The following STAT2 variants were observed in gnomAD, a reference collection of about 807,000 sequenced individuals.
STAT2 encodes signal transducer and activator of transcription 2.
A neutral mutation model predicts 122.3 loss-of-function variants in STAT2; 51 were observed. That is an observed-to-expected ratio of 0.42 (90% CI 0.33 to 0.53). The LOEUF is 0.53. Among genes scored for constraint, STAT2 ranks in the 20% least tolerant of loss-of-function variants. The pLI is 0.10. For synonymous variants in STAT2, 351 were observed against 394.9 expected (o/e 0.89, Z 1.32); for missense variants, 736 against 1,010.3 (o/e 0.73, Z 3.68).
chr12:56,345,007 CA>C (rs111914426), intron 22 of STAT2, among the ~76,000 whole-genome samples: 22,921 of 125,084 alleles, frequency 0.18, 4,289 homozygotes, highest in African/African-American at 0.51. Flanking sequence ...GACTCTGTCT[CA>C]AAAAAAAAAC....
In STAT2 at chr12:56,349,408, C is replaced by A. The variant is rs759398590; in HGVS notation, c.1341+18G>T. 3.3e-5 allele frequency: 54 copies of A among 1,614,020 alleles called. No individual in the cohort carries two copies. The highest frequency in any genetic ancestry group is 4.6e-5 in the Non-Finnish European group (54 of 1,180,044). On this transcript the variant is annotated intron_variant, in intron 15 of 23. Coordinates refer to ENST00000314128, the MANE Select transcript of STAT2 (RefSeq NM_005419.4). ...TCCAAAGCTGCTTTCTCTCTCCTTG[C>A]CCTCCATTTTCACTCACTTTCAGCT...
At chr12:56,357,103 C>G (rs949944686) in intron 1 of STAT2, among the ~76,000 whole-genome samples, 1 of 128,858 alleles carries the variant, frequency 7.8e-6, no homozygotes, top group African/African-American at 2.9e-5. Flanking sequence ...GTGGCATGAT[C>G]TTGGCTCATT....
chr12:56,343,478 A>G lies in STAT2; in HGVS notation c.2467T>C (p.Leu823=). The G allele has an allele frequency of 6.2e-7, 1 of 1,614,216 alleles. No homozygotes were observed. Among genetic ancestry groups the G allele is most frequent in the Non-Finnish European group, 8.5e-7 (1 of 1,180,032 alleles). The change falls in exon 24 of 24, where the codon TTG becomes CTG. Residue 823 remains leucine, a synonymous_variant. Transcript: ENST00000314128. ...EEIMPNGDPL[L]AGQNTVDEVY... ...TCATCCACGGTGTTCTGGCCAGCCA[A>G]CAGTGGGTCACCATTCGGCATGATT...
chr12:56,346,246 A>T, intron 21 of STAT2, 43 bp from the exon 22 acceptor site: 1 of 1,611,940 alleles, frequency 6.2e-7, no homozygotes, highest in East Asian at 2.2e-5. Flanking sequence ...TCAGTGGGCC[A>T]GACATATAGC....
In STAT2 at chr12:56,343,372, C is replaced by A. The variant is rs780361939; in HGVS notation, c.*17G>T. Reference sequence around the variant, plus strand: ...GGAAGGGCAAGAGATATGAAAAGAACAGAGGAAATGTGGTTCCTAGAAGTC... The same window carrying A: ...GGAAGGGCAAGAGATATGAAAAGAAAAGAGGAAATGTGGTTCCTAGAAGTC... On this transcript the variant is annotated 3_prime_UTR_variant, in exon 24 of 24. Transcript: ENST00000314128. The A allele has an allele frequency of 2.5e-6, 4 of 1,609,490 alleles. No homozygotes were observed. Among genetic ancestry groups the A allele is most frequent in the Non-Finnish European group, 2.5e-6 (3 of 1,177,306 alleles).
chr12:56,353,140 C>T (rs1409275108), intron 8 of STAT2, among the ~76,000 whole-genome samples: 1 of 152,170 alleles, frequency 6.6e-6, no homozygotes, highest in Non-Finnish European at 1.5e-5. Flanking sequence ...TGCGCCACCA[C>T]ACCTGGCAAA....
chr12:56,348,087 G>GTTTTTTTT (rs745864117), intron 19 of STAT2, among the ~76,000 whole-genome samples: 4 of 119,576 alleles, frequency 3.3e-5, no homozygotes, highest in Admixed American at 9.0e-5. Context: ...ATTATTGGTT[G>GTTTTTTTT]TTTTTTTTTT....
At position 56,343,290 on chromosome 12, in the gene STAT2, G is replaced by C; in HGVS notation, c.*99C>G. ...GAGTTTGAACAGTTAACACAGCTTG[G>C]AAGGGACACATGCCTGATTCCCATC... On this transcript the variant is annotated 3_prime_UTR_variant, in exon 24 of 24. Coordinates refer to ENST00000314128, the MANE Select transcript of STAT2 (RefSeq NM_005419.4). 1 of 1,517,976 alleles carries C rather than the reference G, an allele frequency of 6.6e-7. No individual in the cohort carries two copies. The highest frequency in any genetic ancestry group is 8.9e-7 in the Non-Finnish European group (1 of 1,122,362). The allele number at this position is 1,517,976 out of a possible 1,614,324, so 94.0% of individuals were successfully genotyped here.
intron 1 of STAT2, among the ~76,000 whole-genome samples, chr12:56,356,879 C>T (rs552226927): frequency 1.3e-5 from 2 of 152,038 alleles, no homozygotes; most frequent in Admixed American, 1.3e-4. Context: ...ATCTGCATTA[C>T]TTACCAGTCG....
In STAT2 at chr12:56,343,895, A is replaced by C. The variant is rs1876956326; in HGVS notation, c.2343T>G (p.Pro781=). 6 of 1,614,060 alleles carry C rather than the reference A, an allele frequency of 3.7e-6. No individual in the cohort carries two copies. Among genetic ancestry groups the C allele is most frequent in the Non-Finnish European group, 4.2e-6 (5 of 1,180,032 alleles). The change falls in exon 23 of 24, where the codon CCT becomes CCG. Residue 781 remains proline, a synonymous_variant. Coordinates refer to ENST00000314128, the MANE Select transcript of STAT2 (RefSeq NM_005419.4). ...SQTVPEPDQG[P]VSQPVPEPDL... ...CTGGCTCTGGCACTGGCTGTGATACAGGTCCTTGGTCTGGCTCTGGCACTG... is the reference window on the plus strand; with the variant it reads ...CTGGCTCTGGCACTGGCTGTGATACCGGTCCTTGGTCTGGCTCTGGCACTG...
intron 21 of STAT2, 61 bp downstream of exon 21, chr12:56,346,381 G>T: frequency 1.3e-6 from 2 of 1,598,390 alleles, no homozygotes; most frequent in Non-Finnish European, 1.7e-6. Context: ...GAAGGAGTGG[G>T]ATCTATGGAT....
Position 56,349,018 on chromosome 12 carries a change from G to A in STAT2, c.1482C>T (p.Ser494=), listed in dbSNP as rs778685294. ...FFSNPPKAPW[S]LLGPALSWQF... is the part of the protein sequence containing the mutation. Reference sequence around the variant, plus strand: ...GCCAACTGAGAGCAGGGCCCAGCAAGCTCCAGGGGGCCTTGGGGGGGTTGG... The same window carrying A: ...GCCAACTGAGAGCAGGGCCCAGCAAACTCCAGGGGGCCTTGGGGGGGTTGG... The change falls in exon 17 of 24, where the codon AGC becomes AGT. Residue 494 remains serine, a synonymous_variant. Coordinates refer to ENST00000314128, the MANE Select transcript of STAT2 (RefSeq NM_005419.4). 31 of 1,613,714 alleles carry A rather than the reference G, an allele frequency of 1.9e-5. No individual in the cohort carries two copies. The highest frequency in any genetic ancestry group is 2.5e-5 in the Non-Finnish European group (30 of 1,179,874).
At position 56,343,225 on chromosome 12, in the gene STAT2, T is replaced by A. The variant is rs1592461335; in HGVS notation, c.*164A>T. 1.1e-6 allele frequency: 1 copy of A among 902,162 alleles called. No individual in the cohort carries two copies. The highest frequency in any genetic ancestry group is 1.7e-5 in the African/African-American group (1 of 59,784). 55.9% of individuals were successfully genotyped at this position (902,162 alleles called of 1,614,324 possible). A position where few individuals can be genotyped will look rare whatever the true frequency, so the allele number is the denominator to read the frequency against. On this transcript the variant is annotated 3_prime_UTR_variant, in exon 24 of 24. Coordinates refer to ENST00000314128, the MANE Select transcript of STAT2 (RefSeq NM_005419.4). ...ATTGTTGTCCCCTCTGTACCCATGTTATGCTTTCACCTCTCACCCCAATGG... is the reference window on the plus strand; with the variant it reads ...ATTGTTGTCCCCTCTGTACCCATGTAATGCTTTCACCTCTCACCCCAATGG...
chr12:56,347,860 G>C (rs529190292), intron 19 of STAT2, among the ~76,000 whole-genome samples: 2 of 152,298 alleles, frequency 1.3e-5, no homozygotes, highest in South Asian at 4.1e-4. Context: ...GTGGTGGAAA[G>C]AGCATGGGCT....
intron 8 of STAT2, among the ~76,000 whole-genome samples, chr12:56,352,099 A>G (rs1413779850): frequency 1.3e-5 from 2 of 151,982 alleles, no homozygotes; most frequent in East Asian, 3.9e-4. Flanking sequence ...GGGTTTTGCC[A>G]TGTTGGCCAA....
intron 12 of STAT2, 86 bp downstream of exon 12, chr12:56,350,326 C>G: frequency 6.7e-7 from 1 of 1,484,280 alleles, no homozygotes; most frequent in Non-Finnish European, 9.2e-7. Context: ...CCCCCTCTTC[C>G]TTGTTTGTGC....
Position 56,343,296 on chromosome 12 carries a change from A to G in STAT2, c.*93T>C. ...GAACAGTTAACACAGCTTGGAAGGGACACATGCCTGATTCCCATCCTTGGA... is the reference window on the plus strand; with the variant it reads ...GAACAGTTAACACAGCTTGGAAGGGGCACATGCCTGATTCCCATCCTTGGA... On this transcript the variant is annotated 3_prime_UTR_variant, in exon 24 of 24. Coordinates refer to ENST00000314128, the MANE Select transcript of STAT2 (RefSeq NM_005419.4). 1 of 1,531,986 alleles carries G rather than the reference A, an allele frequency of 6.5e-7. No homozygotes were observed. Among genetic ancestry groups the G allele is most frequent in the South Asian group, 1.3e-5 (1 of 79,596 alleles). The allele number at this position is 1,531,986 out of a possible 1,614,324, so 94.9% of individuals were successfully genotyped here.
rs561840286 is a variant in STAT2 at position 56,355,999 on chromosome 12, A to G, written c.285+133T>C. 1.0e-4 allele frequency: 136 copies of G among 1,365,352 alleles called. No individual in the cohort carries two copies. In the African/African-American group the frequency reaches 1.9e-3, roughly 19 times the overall value. 84.6% of individuals were successfully genotyped at this position (1,365,352 alleles called of 1,614,324 possible). A position where few individuals can be genotyped will look rare whatever the true frequency, so the allele number is the denominator to read the frequency against. On this transcript the variant is annotated intron_variant, in intron 3 of 23. Coordinates refer to ENST00000314128, the MANE Select transcript of STAT2 (RefSeq NM_005419.4). ...TCTCTGCTAGTGATTCCCCAAGTCC[A>G]GACTCTGTCCTCCTTTCCCCACATT...
In STAT2 at chr12:56,354,559, A is replaced by G; in HGVS notation, c.689T>C (p.Leu230Pro). The G allele has an allele frequency of 1.2e-6, 2 of 1,614,210 alleles. No individual in the cohort carries two copies. Among genetic ancestry groups the G allele is most frequent in the Non-Finnish European group, 1.7e-6 (2 of 1,180,038 alleles). The change falls in exon 8 of 24, where the codon CTA becomes CCA. Residue 230 changes from leucine (L) to proline (P), a missense_variant. Physicochemically the swap from Leu to Pro is moderately conservative, Grantham distance 98. Coordinates refer to ENST00000314128, the MANE Select transcript of STAT2 (RefSeq NM_005419.4). ...CCACTCCTCCAACTTTGGCAGCAGT[A>G]GCTCGATTAGGGTAGTTAATCGGCC... Reference protein sequence around the residue: ...LLGRLTTLIELLLPKLEEWKA... With the variant: ...LLGRLTTLIEPLLPKLEEWKA...
Sources: allele counts gnomAD v4.1 joint callset (sites outside exome capture counted in the v4.1 genomes callset), GRCh38; gene constraint gnomAD v4.1.1; transcripts MANE v1.5; gene names NCBI Gene and HGNC (gene_info 2026-07-23, HGNC 2026-07-21).